RABGAP1L: variants seen among roughly 807,000 people sequenced by gnomAD.
The protein encoded by RABGAP1L is RAB GTPase activating protein 1 like, also known as rab GTPase-activating protein 1-like.
Under a neutral mutation model 137.7 loss-of-function variants are expected in RABGAP1L, and 63 were observed. That is an observed-to-expected ratio of 0.46 (90% confidence interval 0.37 to 0.56). The LOEUF is 0.56. RABGAP1L is among the 20% of genes least tolerant of loss of function. The pLI, the probability that RABGAP1L is intolerant of heterozygous loss-of-function variation, is 0.00. For synonymous variants in RABGAP1L, 431 were observed against 433.7 expected, an observed-to-expected ratio of 0.99 and a Z score of 0.08; for missense variants, 1,095 against 1,244.0, an observed-to-expected ratio of 0.88 and a Z score of 1.80.
chr1:174,173,381 C>T (rs1665569075), intron 1 of RABGAP1L, among the ~76,000 whole-genome samples: 1 of 152,186 alleles, frequency 6.6e-6, no homozygotes, highest in African/African-American at 2.4e-5. Flanking sequence ...CTGCCCACCT[C>T]AGCCTCCCAA....
chr1:174,616,606 T>G (rs895645148), intron 13 of RABGAP1L, among the ~76,000 whole-genome samples: 15 of 152,126 alleles, frequency 9.9e-5, no homozygotes, highest in African/African-American at 3.6e-4. Context: ...AGAGGACGAA[T>G]TGATTAAGTG....
intron 7 of RABGAP1L, among the ~76,000 whole-genome samples, chr1:174,269,501 G>GT (rs1352025055): frequency 1.3e-5 from 2 of 152,162 alleles, no homozygotes; most frequent in Non-Finnish European, 2.9e-5. Context: ...CAAAACCATT[G>GT]TTTTTGAAAA....
chr1:174,638,834 A>T (rs1674284613), intron 14 of RABGAP1L, among the ~76,000 whole-genome samples: 1 of 144,816 alleles, frequency 6.9e-6, no homozygotes, highest in African/African-American at 2.6e-5. Context: ...GGAATTGAAC[A>T]ATGAGATCAC....
chr1:174,740,825 T>TGATTCA, intron 17 of RABGAP1L, among the ~76,000 whole-genome samples: 1 of 152,128 alleles, frequency 6.6e-6, no homozygotes, highest in South Asian at 2.1e-4. Context: ...ATTCATGAGG[T>TGATTCA]TGAACATTTT....
intron 19 of RABGAP1L, among the ~76,000 whole-genome samples, chr1:174,831,091 C>A (rs1692068458): frequency 6.8e-6 from 1 of 147,788 alleles, no homozygotes; most frequent in Admixed American, 6.8e-5. Context: ...TTTAATTTGA[C>A]AATACTTTGG....
intron 13 of RABGAP1L, among the ~76,000 whole-genome samples, chr1:174,560,566 T>A (rs1667146930): frequency 6.6e-6 from 1 of 152,208 alleles, no homozygotes; most frequent in African/African-American, 2.4e-5. Context: ...ATTTACTTTT[T>A]TCAGCTTTTA....
intron 24 of RABGAP1L, among the ~76,000 whole-genome samples, chr1:174,983,570 T>G (rs774403533): frequency 1.1e-4 from 16 of 152,332 alleles, no homozygotes; most frequent in Non-Finnish European, 1.6e-4. Context: ...CATCATCTTA[T>G]TTGAATATGT....
intron 11 of RABGAP1L, among the ~76,000 whole-genome samples, chr1:174,341,713 A>C (rs1180387154): frequency 6.6e-6 from 1 of 152,196 alleles, no homozygotes; most frequent in Non-Finnish European, 1.5e-5. Context: ...AGCTATTAAA[A>C]AATTTCATTC....
At chr1:174,777,744 G>A (rs1686643180) in intron 18 of RABGAP1L, among the ~76,000 whole-genome samples, 1 of 152,104 alleles carries the variant, frequency 6.6e-6, no homozygotes, top group South Asian at 2.1e-4. Context: ...ATGTCTGATA[G>A]AACTAAGAAA....
intron 17 of RABGAP1L, among the ~76,000 whole-genome samples, chr1:174,727,984 A>C (rs2148612665): frequency 6.6e-6 from 1 of 152,278 alleles, no homozygotes; most frequent in African/African-American, 2.4e-5. Context: ...CTTATTCTTT[A>C]CTCTCAGCAC....
intron 13 of RABGAP1L, among the ~76,000 whole-genome samples, chr1:174,570,162 G>T (rs543464534): frequency 6.6e-6 from 1 of 152,150 alleles, no homozygotes; most frequent in South Asian, 2.1e-4. Flanking sequence ...TAAAGTATTG[G>T]CTGGAACTGA....
Position 174,390,881 on chromosome 1 carries a change from G to A in RABGAP1L, c.1560-3114G>A, listed in dbSNP as rs536906470. Among the ~76,000 whole-genome samples the A allele has an allele frequency of 4.1e-4, 62 of 152,246 alleles. No homozygotes were observed. The South Asian group carries it at 0.012, about 30-fold the overall frequency. On this transcript the variant is annotated intron_variant, in intron 12 of 25. Transcript: ENST00000681986. ...CAGACTTGGGCATACTGACTTTGAGGTGCCTTTGAGCTTCTAGAACTTGGG... is the reference window on the plus strand; with the variant it reads ...CAGACTTGGGCATACTGACTTTGAGATGCCTTTGAGCTTCTAGAACTTGGG...
At chr1:174,648,595 T>C (rs142102034) in intron 14 of RABGAP1L, among the ~76,000 whole-genome samples, 3 of 152,288 alleles carry the variant, frequency 2.0e-5, no homozygotes, top group African/African-American at 7.2e-5. Flanking sequence ...TCTTTTGCAT[T>C]TGCTGAGGAG....
At chr1:174,807,401 C>T (rs1689414779) in intron 18 of RABGAP1L, among the ~76,000 whole-genome samples, 1 of 152,054 alleles carries the variant, frequency 6.6e-6, no homozygotes, top group South Asian at 2.1e-4. Flanking sequence ...CTTAGTGAAA[C>T]ATCCAAATCT....
chr1:174,273,320 G>C (rs1413078152), intron 8 of RABGAP1L, among the ~76,000 whole-genome samples: 1 of 151,894 alleles, frequency 6.6e-6, no homozygotes, highest in South Asian at 2.1e-4. Flanking sequence ...TTGGGTACCT[G>C]TTTGTCTGCT....
chr1:174,288,830 G>GCTTAT (rs1166695457), intron 10 of RABGAP1L, among the ~76,000 whole-genome samples: 8 of 152,040 alleles, frequency 5.3e-5, no homozygotes, highest in African/African-American at 1.9e-4. Context: ...GGATACTTCT[G>GCTTAT]GAATGCTTAT....
chr1:174,519,381 A>C (rs1572145677), intron 13 of RABGAP1L, among the ~76,000 whole-genome samples: 1 of 152,110 alleles, frequency 6.6e-6, no homozygotes, highest in Admixed American at 6.6e-5. Flanking sequence ...GGCAGGAAGC[A>C]TCCAGCATGG....
Position 174,785,472 on chromosome 1 carries a change from A to T in RABGAP1L, c.2212-26360A>T, listed in dbSNP as rs190783112. 2.0e-5 allele frequency among the ~76,000 whole-genome samples: 3 copies of T among 152,350 alleles called. No homozygotes were observed. In the East Asian group the frequency reaches 5.8e-4, roughly 29 times the overall value. On this transcript the variant is annotated intron_variant, in intron 18 of 25. Transcript: ENST00000681986. ...ATTCCAGTAAAGGAACGATAATTGT[A>T]GTTATCTTGGCTTGGTATATTATGC...
intron 19 of RABGAP1L, among the ~76,000 whole-genome samples, chr1:174,886,963 C>T (rs558572525): frequency 3.3e-5 from 5 of 152,240 alleles, no homozygotes; most frequent in East Asian, 1.9e-4. Context: ...TGTGCCACCA[C>T]GCCCAGCTAA....
Sources: gnomAD v4.1 joint callset for allele counts (sites outside exome capture counted in the v4.1 genomes callset) on GRCh38, gnomAD v4.1.1 for gene constraint, MANE v1.5 for transcripts, NCBI Gene and HGNC (gene_info 2026-07-23, HGNC 2026-07-21) for gene names.